CDH11: variants seen among roughly 807,000 people sequenced by gnomAD.
The protein encoded by CDH11 is cadherin-11.
In CDH11, 11 loss-of-function variants were observed where a neutral mutation model predicts 67.8. The observed-to-expected ratio is 0.16, with a 90% CI of 0.10 to 0.27. The LOEUF is 0.27. CDH11 is among the 10% of genes least tolerant of loss of function. The pLI is 1.00. For synonymous variants in CDH11, 419 were observed against 400.0 expected, an observed-to-expected ratio of 1.05 and a Z score of -0.57; for missense variants, 847 against 1,031.2, an observed-to-expected ratio of 0.82 and a Z score of 2.45.
At chr16:65,089,378 C>G in intron 1 of CDH11, among the ~76,000 whole-genome samples, 2 of 152,222 alleles carry the variant, frequency 1.3e-5, no homozygotes, top group Middle Eastern at 6.8e-3. Context: ...AATTTAATAA[C>G]ATTCTATATT....
chr16:65,111,585 A>C (rs557238513), intron 1 of CDH11, among the ~76,000 whole-genome samples: 1 of 152,144 alleles, frequency 6.6e-6, no homozygotes, highest in South Asian at 2.1e-4. Context: ...TCAGGCTGCA[A>C]TAAAAGAAGT....
chr16:64,983,560 A>G (rs1328300528), intron 7 of CDH11, among the ~76,000 whole-genome samples: 1 of 152,186 alleles, frequency 6.6e-6, no homozygotes, highest in Non-Finnish European at 1.5e-5. Context: ...GCAGTACTCT[A>G]CACTAAAGCT....
intron 2 of CDH11, among the ~76,000 whole-genome samples, chr16:65,009,038 A>G (rs1270166267): frequency 3.3e-5 from 5 of 152,136 alleles, no homozygotes; most frequent in Non-Finnish European, 7.4e-5. Context: ...AATTTGTCCA[A>G]GGTTACAGAG....
intron 2 of CDH11, among the ~76,000 whole-genome samples, chr16:65,009,160 T>G (rs2142541355): frequency 6.6e-6 from 1 of 152,176 alleles, no homozygotes; most frequent in African/African-American, 2.4e-5. Context: ...TTAGGCACAC[T>G]AATACAAATA....
intron 11 of CDH11, among the ~76,000 whole-genome samples, chr16:64,966,906 G>GA (rs1567495228): frequency 6.6e-6 from 1 of 152,072 alleles, no homozygotes; most frequent in African/African-American, 2.4e-5. Context: ...ATTGCAAACT[G>GA]ACAAATATAT....
At chr16:65,018,389 T>C (rs896364753) in intron 2 of CDH11, among the ~76,000 whole-genome samples, 7 of 152,082 alleles carry the variant, frequency 4.6e-5, no homozygotes, top group African/African-American at 1.4e-4. Flanking sequence ...ATAAAGAGTT[T>C]CTTCAATTTT....
intron 1 of CDH11, among the ~76,000 whole-genome samples, chr16:65,076,391 C>T (rs1183874342): frequency 6.6e-6 from 1 of 152,166 alleles, no homozygotes; most frequent in Non-Finnish European, 1.5e-5. Context: ...CTCCCTCAGG[C>T]TCACTGAGCT....
intron 6 of CDH11, among the ~76,000 whole-genome samples, chr16:64,989,959 G>A (rs1477003988): frequency 3.3e-5 from 5 of 151,854 alleles, no homozygotes; most frequent in African/African-American, 1.2e-4. Flanking sequence ...CTTTCTTTTG[G>A]ATTCATAATC....
In CDH11 at chr16:64,946,045, G is replaced by T; in HGVS notation, c.*1558C>A. 9.4e-7 allele frequency: 1 copy of T among 1,058,812 alleles called. No individual in the cohort carries two copies. Among genetic ancestry groups the T allele is most frequent in the African/African-American group, 1.6e-5 (1 of 60,826 alleles). The allele number at this position is 1,058,812 out of a possible 1,614,324, so 65.6% of individuals were successfully genotyped here. A position where few individuals can be genotyped will look rare whatever the true frequency, so the allele number is the denominator to read the frequency against. ...CCAAGAAACTAGCTGGAATGCAGGGGACTGTAGACACACTCCTGGACCAAA... is the reference window on the plus strand; with the variant it reads ...CCAAGAAACTAGCTGGAATGCAGGGTACTGTAGACACACTCCTGGACCAAA... On this transcript the variant is annotated 3_prime_UTR_variant, in exon 13 of 13. Coordinates refer to ENST00000268603, the MANE Select transcript of CDH11 (RefSeq NM_001797.4).
chr16:65,113,878 T>C (rs1049107139), intron 1 of CDH11, among the ~76,000 whole-genome samples: 2 of 152,166 alleles, frequency 1.3e-5, no homozygotes, highest in African/African-American at 4.8e-5. Flanking sequence ...CATGAGGGCA[T>C]TGTGAGTAAA....
intron 6 of CDH11, among the ~76,000 whole-genome samples, chr16:64,989,467 T>C (rs560785588): frequency 6.6e-6 from 1 of 152,206 alleles, no homozygotes; most frequent in East Asian, 1.9e-4. Flanking sequence ...GAATCTAAAA[T>C]GACTGAGGAA....
At chr16:65,044,944 T>C (rs1440345127) in intron 2 of CDH11, among the ~76,000 whole-genome samples, 2 of 152,036 alleles carry the variant, frequency 1.3e-5, no homozygotes, top group African/African-American at 4.8e-5. Flanking sequence ...GAGCTGGACA[T>C]GCTTTCATGA....
chr16:65,010,211 A>T (rs944999216), intron 2 of CDH11, among the ~76,000 whole-genome samples: 1 of 152,018 alleles, frequency 6.6e-6, no homozygotes, highest in Non-Finnish European at 1.5e-5. Flanking sequence ...AGAGCTCAAA[A>T]CCCCATTCTG....
chr16:65,073,326 C>A (rs1434888134), intron 1 of CDH11, among the ~76,000 whole-genome samples: 1 of 152,164 alleles, frequency 6.6e-6, no homozygotes, highest in African/African-American at 2.4e-5. Context: ...CCCTCTTTCA[C>A]CCAGGCTGGA....
chr16:65,069,389 C>A (rs8048351), intron 1 of CDH11, among the ~76,000 whole-genome samples: 73,814 of 150,582 alleles, frequency 0.49, 18,406 homozygotes, highest in East Asian at 0.75. Flanking sequence ...TGGGTGAATT[C>A]TTTCCTCTCT....
chr16:65,078,300 G>C (rs1355823180), intron 1 of CDH11, among the ~76,000 whole-genome samples: 1 of 152,152 alleles, frequency 6.6e-6, no homozygotes, highest in Non-Finnish European at 1.5e-5. Context: ...CCCTGCTAGT[G>C]AATGAATGTG....
chr16:65,103,994 GA>G (rs2075031448), intron 1 of CDH11, among the ~76,000 whole-genome samples: 1 of 152,044 alleles, frequency 6.6e-6, no homozygotes, highest in South Asian at 2.1e-4. Context: ...CTAAATATGT[GA>G]ATGACGTTTG....
chr16:65,058,276 T>C lies in CDH11; in HGVS notation c.-297-4348A>G, dbSNP rs1436094215. Among the ~76,000 whole-genome samples, 10 of 152,246 alleles carry C rather than the reference T, an allele frequency of 6.6e-5. 1 individual carries two copies. The highest frequency in any genetic ancestry group is 1.5e-4 in the Non-Finnish European group (10 of 68,046). On this transcript the variant is annotated intron_variant, in intron 1 of 12. Coordinates refer to ENST00000268603, the MANE Select transcript of CDH11 (RefSeq NM_001797.4). The stretch of plus-strand genomic sequence containing the variant: ...AAAAAGCCACCACAATGGGATATTT[T>C]GGATATTTTGGAACATAGTTAGTTA...
chr16:64,964,433 AGGGTAC>A (rs2142405314), intron 11 of CDH11, among the ~76,000 whole-genome samples: 1 of 152,340 alleles, frequency 6.6e-6, no homozygotes, highest in East Asian at 1.9e-4. Context: ...ATGCCTGTAT[AGGGTAC>A]TTAGCATGAA....
Sources: allele counts gnomAD v4.1 joint callset (sites outside exome capture counted in the v4.1 genomes callset), GRCh38; gene constraint gnomAD v4.1.1; transcripts MANE v1.5; gene names NCBI Gene and HGNC (gene_info 2026-07-23, HGNC 2026-07-21).